SLIT3: variants seen among roughly 807,000 people sequenced by gnomAD.
SLIT3 encodes the protein slit homolog 3 protein.
SLIT3 carries 68 observed loss-of-function variants against 184.0 expected under a neutral mutation model. That is an observed-to-expected ratio of 0.37 (90% CI 0.30 to 0.45). The LOEUF is 0.45. SLIT3 is among the 20% of genes least tolerant of loss of function. SLIT3 has a pLI of 1.00. For synonymous variants in SLIT3, 831 were observed against 828.6 expected, an observed-to-expected ratio of 1.00 and a Z score of -0.05; for missense variants, 1,707 against 2,026.0, an observed-to-expected ratio of 0.84 and a Z score of 3.02.
chr5:169,171,034 T>G (rs1762801656), intron 4 of SLIT3, among the ~76,000 whole-genome samples: 1 of 152,174 alleles, frequency 6.6e-6, no homozygotes, highest in South Asian at 2.1e-4. Flanking sequence ...AGCAGTCCAT[T>G]AAAACAATGC....
intron 9 of SLIT3, among the ~76,000 whole-genome samples, chr5:168,802,065 AC>A (rs1480429606): frequency 6.6e-6 from 1 of 151,870 alleles, no homozygotes; most frequent in Non-Finnish European, 1.5e-5. Context: ...AGAGCTTAAC[AC>A]AGTACCAAGC....
chr5:168,828,339 G>A (rs1757767545), intron 6 of SLIT3, among the ~76,000 whole-genome samples: 2 of 152,042 alleles, frequency 1.3e-5, no homozygotes, highest in African/African-American at 4.8e-5. Context: ...TTCTCAAAAT[G>A]TGGTCCCCAG....
chr5:169,164,338 C>G (rs182620502), intron 4 of SLIT3, among the ~76,000 whole-genome samples: 1 of 152,152 alleles, frequency 6.6e-6, no homozygotes, highest in African/African-American at 2.4e-5. Flanking sequence ...TCTAGCACAA[C>G]GGGTTGGGAG....
intron 4 of SLIT3, among the ~76,000 whole-genome samples, chr5:169,037,132 G>A (rs982103747): frequency 1.3e-5 from 2 of 152,000 alleles, no homozygotes; most frequent in Admixed American, 6.5e-5. Context: ...AGTCTCATTC[G>A]TGCCTCTAAG....
intron 4 of SLIT3, among the ~76,000 whole-genome samples, chr5:169,080,949 C>T (rs1759014224): frequency 6.6e-6 from 1 of 152,224 alleles, no homozygotes; most frequent in South Asian, 2.1e-4. Flanking sequence ...ACCAGGTACC[C>T]TGGAGAAGCC....
At chr5:169,107,651 G>C (rs1385062830) in intron 4 of SLIT3, among the ~76,000 whole-genome samples, 2 of 152,200 alleles carry the variant, frequency 1.3e-5, no homozygotes, top group Admixed American at 1.3e-4. Context: ...ATGTGCAGAA[G>C]GCTTGGAGCC....
chr5:168,963,344 G>C (rs187395953), intron 4 of SLIT3, among the ~76,000 whole-genome samples: 1 of 152,106 alleles, frequency 6.6e-6, no homozygotes, highest in Admixed American at 6.5e-5. Context: ...GCTGATTTTT[G>C]TATTTTTAGT....
At chr5:168,977,104 C>A (rs767308209) in intron 4 of SLIT3, among the ~76,000 whole-genome samples, 7 of 152,090 alleles carry the variant, frequency 4.6e-5, no homozygotes, top group Non-Finnish European at 1.0e-4. Context: ...ACGATTAGAA[C>A]CTGGGAGATT....
Position 168,749,560 on chromosome 5 carries a change from G to C in SLIT3, c.2049C>G (p.Ile683Met). The change falls in exon 19 of 36, where the codon ATC (isoleucine) becomes ATG (methionine). Residue 683 changes from isoleucine to methionine, a missense_variant. By Grantham distance (10) the Ile-to-Met change is conservative (BLOSUM62 1). Transcript: ENST00000519560. ...TCTGGCACCTAGGGTTCCCACTGAC[G>C]ATCCGCCTCTTCCTCAACCACTTGC... The part of the protein sequence containing the change: ...WLGKWLRKRR[I>M]VSGNPRCQKP... The C allele has an allele frequency of 6.2e-7, 1 of 1,614,176 alleles. No individual in the cohort carries two copies. Among genetic ancestry groups the C allele is most frequent in the Non-Finnish European group, 8.5e-7 (1 of 1,180,040 alleles).
Position 168,967,435 on chromosome 5 carries a change from A to ATTTTTTTTTTTTTTTTTTT in SLIT3, c.414-84100_414-84099insAAAAAAAAAAAAAAAAAAA, listed in dbSNP as rs556216624. On this transcript the variant is annotated intron_variant, in intron 4 of 35. Transcript: ENST00000519560. ...CATTCCTCTGGCACTGCCATCTCAA[A>ATTTTTTTTTTTTTTTTTTT]TCTTTTTTTTTTTTTTTTTTTTGAG... 1.3e-3 allele frequency among the ~76,000 whole-genome samples: 40 copies of ATTTTTTTTTTTTTTTTTTT among 30,752 alleles called. 1 individual carries two copies. The highest frequency in any genetic ancestry group is 2.0e-3 in the Non-Finnish European group (32 of 16,304). The allele number at this position is 30,752 out of a possible 152,430, so 20.2% of individuals were successfully genotyped here.
chr5:169,147,325 A>G (rs1378856998), intron 4 of SLIT3, among the ~76,000 whole-genome samples: 1 of 152,156 alleles, frequency 6.6e-6, no homozygotes, highest in Non-Finnish European at 1.5e-5. Context: ...CTGGAGTGCA[A>G]TGGCACGATA....
intron 4 of SLIT3, among the ~76,000 whole-genome samples, chr5:168,940,916 C>T (rs1436077015): frequency 6.6e-6 from 1 of 152,152 alleles, no homozygotes; most frequent in Non-Finnish European, 1.5e-5. Context: ...TCTCCAGATG[C>T]AACCACTCAG....
intron 4 of SLIT3, among the ~76,000 whole-genome samples, chr5:169,116,212 C>CA (rs1188516170): frequency 4.0e-5 from 6 of 151,868 alleles, no homozygotes; most frequent in Non-Finnish European, 8.8e-5. Flanking sequence ...TATTGCAGGG[C>CA]AAAAAAATCA....
intron 4 of SLIT3, among the ~76,000 whole-genome samples, chr5:169,078,650 A>C (rs1325604287): frequency 2.0e-5 from 3 of 152,188 alleles, no homozygotes; most frequent in Non-Finnish European, 2.9e-5. Flanking sequence ...AATATGTCTA[A>C]AATCAGAAAA....
intron 1 of SLIT3, among the ~76,000 whole-genome samples, chr5:169,296,400 G>A (rs527815362): frequency 3.9e-5 from 6 of 152,256 alleles, no homozygotes; most frequent in East Asian, 1.9e-4. Flanking sequence ...AATGTAATCC[G>A]TTCAGAGTTG....
intron 4 of SLIT3, among the ~76,000 whole-genome samples, chr5:169,107,938 C>G (rs1215482749): frequency 3.3e-5 from 5 of 152,208 alleles, no homozygotes; most frequent in Non-Finnish European, 7.3e-5. Flanking sequence ...GCTGAGATGC[C>G]TCCCAGGCTC....
intron 3 of SLIT3, among the ~76,000 whole-genome samples, chr5:169,223,923 C>A (rs1228539172): frequency 1.3e-5 from 2 of 152,096 alleles, no homozygotes; most frequent in African/African-American, 4.8e-5. Context: ...ATAAATGGGT[C>A]CTTCACCTTT....
At chr5:168,839,618 G>A (rs1171617365) in intron 6 of SLIT3, among the ~76,000 whole-genome samples, 1 of 152,188 alleles carries the variant, frequency 6.6e-6, no homozygotes, top group Non-Finnish European at 1.5e-5. Flanking sequence ...GGAGCAATAT[G>A]GTGTGTGGTC....
chr5:168,868,755 AAAAAAAAAAAAGAAAAAG>A (rs1759404477), intron 5 of SLIT3, among the ~76,000 whole-genome samples: 1 of 149,498 alleles, frequency 6.7e-6, no homozygotes. Flanking sequence ...CTCAAAAAAA[AAAAAAAAAAAAGAAAAAG>A]AAAAAGAAAA....
Sources: allele counts gnomAD v4.1 joint callset (sites outside exome capture counted in the v4.1 genomes callset), GRCh38; gene constraint gnomAD v4.1.1; transcripts MANE v1.5; gene names NCBI Gene and HGNC (gene_info 2026-07-23, HGNC 2026-07-21).